The following MEI4 variants were observed in gnomAD, a reference collection of about 807,000 sequenced individuals.
MEI4 encodes meiotic double-stranded break formation protein 4, also known as meiosis-specific protein MEI4.
In MEI4, 27 loss-of-function variants were observed where a neutral mutation model predicts 31.4. The ratio of observed to expected loss-of-function variants is 0.86; its 90% confidence interval spans 0.63 to 1.19. The LOEUF is 1.19. Ranked by LOEUF, MEI4 falls within the 50% of genes most tolerant of loss-of-function variation. The probability of loss-of-function intolerance (pLI) is 0.00; values close to 1 mark genes in which losing one functional copy is unlikely to be tolerated. For synonymous variants in MEI4, 122 were observed against 145.4 expected, an observed-to-expected ratio of 0.84 and a Z score of 1.16; for missense variants, 329 against 398.9, an observed-to-expected ratio of 0.82 and a Z score of 1.49.
At chr6:77,678,249 C>T (rs1768881421) in intron 1 of MEI4, among the ~76,000 whole-genome samples, 1 of 152,154 alleles carries the variant, frequency 6.6e-6, no homozygotes. Context: ...AACAGATGTC[C>T]CTTCTGCTGC....
chr6:77,878,154 G>T (rs1435711107), intron 4 of MEI4, among the ~76,000 whole-genome samples: 1 of 152,030 alleles, frequency 6.6e-6, no homozygotes, highest in Non-Finnish European at 1.5e-5. Flanking sequence ...TGGAAAAGCT[G>T]ATTTCCTTGG....
At chr6:77,685,183 A>G (rs570958802) in intron 1 of MEI4, among the ~76,000 whole-genome samples, 2 of 151,982 alleles carry the variant, frequency 1.3e-5, no homozygotes, top group Admixed American at 6.5e-5. Context: ...TCTTTTGCCC[A>G]TGTTTTCATT....
intron 4 of MEI4, among the ~76,000 whole-genome samples, chr6:77,879,391 C>A (rs1178302814): frequency 6.6e-6 from 1 of 152,050 alleles, no homozygotes; most frequent in Non-Finnish European, 1.5e-5. Context: ...TGCACATCAA[C>A]CACACTTAAA....
chr6:77,734,964 C>T (rs1275159116), intron 2 of MEI4, among the ~76,000 whole-genome samples: 1 of 151,866 alleles, frequency 6.6e-6, no homozygotes, highest in Non-Finnish European at 1.5e-5. Flanking sequence ...ATATTGGCCC[C>T]CACTCTCTTC....
At chr6:77,850,010 CAT>C (rs918298471) in intron 4 of MEI4, among the ~76,000 whole-genome samples, 1 of 152,092 alleles carries the variant, frequency 6.6e-6, no homozygotes, top group Non-Finnish European at 1.5e-5. Context: ...TTATGTTAAA[CAT>C]GTTCAAATTA....
chr6:77,774,208 C>T (rs772243618), intron 3 of MEI4, among the ~76,000 whole-genome samples: 34 of 152,174 alleles, frequency 2.2e-4, no homozygotes, highest in South Asian at 1.0e-3. Flanking sequence ...GATATCTGCA[C>T]TCTCATGTAT....
chr6:77,876,853 A>C (rs1771353520), intron 4 of MEI4, among the ~76,000 whole-genome samples: 1 of 152,190 alleles, frequency 6.6e-6, no homozygotes, highest in Admixed American at 6.6e-5. Flanking sequence ...AAAATGTCTC[A>C]GGCAGTACCT....
At chr6:77,822,776 C>T (rs746503360) in intron 3 of MEI4, among the ~76,000 whole-genome samples, 1 of 151,688 alleles carries the variant, frequency 6.6e-6, no homozygotes, top group Admixed American at 6.6e-5. Flanking sequence ...CCCACCACCA[C>T]TCCTGGCTAT....
chr6:77,837,266 G>T (rs879468420), intron 4 of MEI4, among the ~76,000 whole-genome samples: 5 of 152,174 alleles, frequency 3.3e-5, no homozygotes, highest in Non-Finnish European at 5.9e-5. Flanking sequence ...TAGTTAAATT[G>T]TAGTGTGACC....
At chr6:77,764,345 C>A (rs1441933561) in intron 3 of MEI4, among the ~76,000 whole-genome samples, 1 of 152,080 alleles carries the variant, frequency 6.6e-6, no homozygotes, top group African/African-American at 2.4e-5. Context: ...ATTTTGTCTT[C>A]TTTTTCTTTT....
chr6:77,696,941 A>G (rs1766064414), intron 2 of MEI4, among the ~76,000 whole-genome samples: 1 of 152,192 alleles, frequency 6.6e-6, no homozygotes, highest in Non-Finnish European at 1.5e-5. Context: ...CCACAATTTC[A>G]GAGCCTGTTA....
intron 2 of MEI4, among the ~76,000 whole-genome samples, chr6:77,694,229 G>A (rs956642585): frequency 4.0e-5 from 6 of 151,396 alleles, no homozygotes; most frequent in South Asian, 4.2e-4. Context: ...CTGGGCAGCC[G>A]CGTTTCTTTT....
At chr6:77,802,294 C>A (rs1268058107) in intron 3 of MEI4, among the ~76,000 whole-genome samples, 1 of 152,028 alleles carries the variant, frequency 6.6e-6, no homozygotes, top group East Asian at 1.9e-4. Context: ...GATTGCAACC[C>A]CTGCCTTTGT....
intron 2 of MEI4, among the ~76,000 whole-genome samples, chr6:77,749,258 A>G (rs189184736): frequency 6.6e-6 from 1 of 152,280 alleles, no homozygotes; most frequent in East Asian, 1.9e-4. Context: ...AGAAAACTGA[A>G]CAGAGAATGG....
chr6:77,735,476 C>G (rs1484500032), intron 2 of MEI4, among the ~76,000 whole-genome samples: 2 of 152,058 alleles, frequency 1.3e-5, no homozygotes, highest in Admixed American at 6.5e-5. Flanking sequence ...CCTTGGTTTT[C>G]AGCTTCATCA....
intron 2 of MEI4, among the ~76,000 whole-genome samples, chr6:77,746,751 T>C (rs994567893): frequency 6.6e-6 from 1 of 151,824 alleles, no homozygotes; most frequent in Non-Finnish European, 1.5e-5. Flanking sequence ...GATAACATAG[T>C]GCTTTCACTG....
At chr6:77,789,108 A>G (rs1768839208) in intron 3 of MEI4, among the ~76,000 whole-genome samples, 1 of 152,212 alleles carries the variant, frequency 6.6e-6, no homozygotes, top group African/African-American at 2.4e-5. Flanking sequence ...CTGCATATCT[A>G]CAACTATCTG....
At chr6:77,745,673 T>C (rs570881164) in intron 2 of MEI4, among the ~76,000 whole-genome samples, 1 of 152,254 alleles carries the variant, frequency 6.6e-6, no homozygotes, top group Admixed American at 6.5e-5. Flanking sequence ...ATACATTTTT[T>C]TCAGCACCAC....
intron 2 of MEI4, among the ~76,000 whole-genome samples, chr6:77,728,531 A>C (rs552528235): frequency 6.6e-6 from 1 of 152,372 alleles, no homozygotes; most frequent in South Asian, 2.1e-4. Context: ...GGATGTAGAC[A>C]TTAAAAAGTA....
Sources: gnomAD v4.1 joint callset for allele counts (sites outside exome capture counted in the v4.1 genomes callset) on GRCh38, gnomAD v4.1.1 for gene constraint, MANE v1.5 for transcripts, NCBI Gene and HGNC (gene_info 2026-07-23, HGNC 2026-07-21) for gene names.